The following IL1RAPL2 variants were observed in gnomAD, a reference collection of about 807,000 sequenced individuals.
The protein encoded by IL1RAPL2 is X-linked interleukin-1 receptor accessory protein-like 2.
Under a neutral mutation model 44.1 loss-of-function variants are expected in IL1RAPL2, and 3 were observed. The observed-to-expected ratio is 0.07, with a 90% CI of 0.03 to 0.18. The LOEUF (loss-of-function observed/expected upper bound fraction) is 0.18. Among genes scored for constraint, IL1RAPL2 ranks in the 10% least tolerant of loss-of-function variants. The pLI is 1.00. For synonymous variants in IL1RAPL2, 181 were observed against 178.8 expected (o/e 1.01, Z -0.10); for missense variants, 391 against 496.4 (o/e 0.79, Z 2.02).
At chrX:105,251,709 A>G (rs2034270206) in intron 4 of IL1RAPL2, among the ~76,000 whole-genome samples, 1 of 110,008 alleles carries the variant, frequency 9.1e-6, no homozygotes, top group Non-Finnish European at 1.9e-5. Context: ...CCATACTACC[A>G]TTAACATGGA....
At chrX:104,665,564 G>C (rs747320000) in intron 2 of IL1RAPL2, among the ~76,000 whole-genome samples, 66 of 110,436 alleles carry the variant, frequency 6.0e-4, no homozygotes, top group Non-Finnish European at 5.7e-4. Context: ...GATTCTTCCA[G>C]ATAGTTTCTT....
At chrX:105,114,722 T>G (rs909029163) in intron 2 of IL1RAPL2, among the ~76,000 whole-genome samples, 4 of 111,871 alleles carry the variant, frequency 3.6e-5, no homozygotes, top group Admixed American at 2.8e-4. Context: ...TGAAAACTCA[T>G]AAGTGAATGA....
chrX:104,987,456 C>T (rs1323902607), intron 2 of IL1RAPL2, among the ~76,000 whole-genome samples: 3 of 105,683 alleles, frequency 2.8e-5, no homozygotes, highest in Non-Finnish European at 5.9e-5. Flanking sequence ...AGACAAGGAA[C>T]ATTTAGGGCT....
intron 5 of IL1RAPL2, among the ~76,000 whole-genome samples, chrX:105,309,099 A>G (rs1407517632): frequency 9.0e-6 from 1 of 110,600 alleles, no homozygotes; most frequent in Non-Finnish European, 1.9e-5. Flanking sequence ...CAGTGGCACA[A>G]TCTCTGCTCA....
chrX:105,730,616 C>T (rs1292025351), intron 7 of IL1RAPL2, among the ~76,000 whole-genome samples: 1 of 110,831 alleles, frequency 9.0e-6, no homozygotes, highest in Non-Finnish European at 1.9e-5. Context: ...TGTTAGGACA[C>T]AAAACAAGTC....
intron 2 of IL1RAPL2, among the ~76,000 whole-genome samples, chrX:104,792,404 TG>T (rs766912658): frequency 9.0e-6 from 1 of 111,084 alleles, no homozygotes; most frequent in African/African-American, 3.3e-5. Context: ...CAATATACTC[TG>T]GGTGGAGATC....
chrX:104,822,193 T>G (rs1404536215), intron 2 of IL1RAPL2, among the ~76,000 whole-genome samples: 1 of 111,882 alleles, frequency 8.9e-6, no homozygotes, highest in Non-Finnish European at 1.9e-5. Flanking sequence ...TCCCATTCTG[T>G]AGGTTGCCTG....
chrX:104,607,389 G>T (rs1484792533), intron 1 of IL1RAPL2, among the ~76,000 whole-genome samples: 1 of 112,017 alleles, frequency 8.9e-6, no homozygotes, highest in East Asian at 2.8e-4. Flanking sequence ...ATTGACGTGG[G>T]ATCTGATTAA....
chrX:105,400,898 A>C (rs1249481382), intron 5 of IL1RAPL2, among the ~76,000 whole-genome samples: 1 of 111,835 alleles, frequency 8.9e-6, no homozygotes, highest in Non-Finnish European at 1.9e-5. Flanking sequence ...AGACTGGGCA[A>C]TTTATAATGA....
chrX:105,017,621 G>A (rs2031207408), intron 2 of IL1RAPL2, among the ~76,000 whole-genome samples: 1 of 110,557 alleles, frequency 9.0e-6, no homozygotes, highest in Non-Finnish European at 1.9e-5. Context: ...TACAATTATA[G>A]TATTATTGAA....
chrX:105,733,200 T>G (rs2038419224), intron 7 of IL1RAPL2, among the ~76,000 whole-genome samples: 1 of 111,820 alleles, frequency 8.9e-6, no homozygotes, highest in South Asian at 3.7e-4. Context: ...ACTCTCTTCT[T>G]GCTTGCATGA....
At chrX:104,744,434 A>T (rs1932140784) in intron 2 of IL1RAPL2, among the ~76,000 whole-genome samples, 1 of 111,748 alleles carries the variant, frequency 8.9e-6, no homozygotes, top group South Asian at 3.7e-4. Flanking sequence ...AAAACATAGT[A>T]GGTTAATTCT....
At chrX:105,440,039 A>G (rs1436572258) in intron 5 of IL1RAPL2, among the ~76,000 whole-genome samples, 2 of 111,959 alleles carry the variant, frequency 1.8e-5, no homozygotes, top group Non-Finnish European at 3.8e-5. Context: ...ACTTTTAAAA[A>G]TAAATTCATA....
At chrX:104,654,249 C>T (rs1238820752) in intron 1 of IL1RAPL2, among the ~76,000 whole-genome samples, 4 of 111,228 alleles carry the variant, frequency 3.6e-5, no homozygotes, top group Non-Finnish European at 5.7e-5. Context: ...AAAAACTCTT[C>T]CTATCACATA....
At chrX:105,086,572 C>G (rs909891851) in intron 2 of IL1RAPL2, among the ~76,000 whole-genome samples, 1 of 110,278 alleles carries the variant, frequency 9.1e-6, no homozygotes, top group African/African-American at 3.3e-5. Flanking sequence ...TGAAGGCTAT[C>G]GTTAATAATC....
At chrX:105,255,324 A>G (rs2034305385) in intron 4 of IL1RAPL2, among the ~76,000 whole-genome samples, 1 of 111,636 alleles carries the variant, frequency 9.0e-6, no homozygotes, top group African/African-American at 3.3e-5. Flanking sequence ...GACTGCTTTT[A>G]CAATTTGGCT....
chrX:105,581,961 C>A (rs2037092427), intron 6 of IL1RAPL2, among the ~76,000 whole-genome samples: 1 of 111,303 alleles, frequency 9.0e-6, no homozygotes, highest in Admixed American at 9.6e-5. Flanking sequence ...GTTATCTACT[C>A]AGTTACTTTG....
At chrX:105,447,879 T>G (rs1383716350) in intron 5 of IL1RAPL2, among the ~76,000 whole-genome samples, 2 of 93,477 alleles carry the variant, frequency 2.1e-5, no homozygotes, top group Non-Finnish European at 4.1e-5. Context: ...ATTATACATA[T>G]AAATATATAA....
intron 2 of IL1RAPL2, among the ~76,000 whole-genome samples, chrX:105,018,268 A>G: frequency 9.0e-6 from 1 of 110,939 alleles, no homozygotes; most frequent in Admixed American, 9.6e-5. Flanking sequence ...CCTAATCCCT[A>G]CCTTCTTATT....
Sources: allele counts gnomAD v4.1 joint callset (sites outside exome capture counted in the v4.1 genomes callset), GRCh38; gene constraint gnomAD v4.1.1; transcripts MANE v1.5; gene names NCBI Gene and HGNC (gene_info 2026-07-23, HGNC 2026-07-21).